PKNOX2: variants seen among roughly 807,000 people sequenced by gnomAD.
PKNOX2 encodes homeobox protein PKNOX2.
Under a neutral mutation model 53.1 loss-of-function variants are expected in PKNOX2, and 14 were observed. The ratio of observed to expected loss-of-function variants is 0.26; its 90% CI spans 0.17 to 0.41. The LOEUF (loss-of-function observed/expected upper bound fraction) is 0.41. Ranked by LOEUF, PKNOX2 falls within the 10% of genes least tolerant of loss-of-function variation. The pLI, the probability that PKNOX2 is intolerant of heterozygous loss-of-function variation, is 1.00. For synonymous variants in PKNOX2, 257 were observed against 242.8 expected (o/e 1.06, Z -0.54); for missense variants, 496 against 602.8 (o/e 0.82, Z 1.85).
intron 4 of PKNOX2, among the ~76,000 whole-genome samples, chr11:125,357,282 C>T (rs1179571171): frequency 6.6e-6 from 1 of 152,160 alleles, no homozygotes; most frequent in Non-Finnish European, 1.5e-5. Context: ...TACTCAAGAC[C>T]TGGACTCTTC....
intron 1 of PKNOX2, among the ~76,000 whole-genome samples, chr11:125,190,647 C>T (rs929670160): frequency 2.0e-5 from 3 of 152,078 alleles, no homozygotes; most frequent in African/African-American, 4.8e-5. Context: ...CTCTGTCCCC[C>T]GACCCTGCCC....
chr11:125,431,100 C>T, intron 12 of PKNOX2, 66 bp from the exon 13 acceptor site: 2 of 1,556,176 alleles, frequency 1.3e-6, no homozygotes, highest in Non-Finnish European at 1.7e-6. Flanking sequence ...AAACCCTGTC[C>T]AACACAGAGG....
intron 5 of PKNOX2, among the ~76,000 whole-genome samples, chr11:125,385,071 A>G (rs1162563684): frequency 6.6e-6 from 1 of 152,162 alleles, no homozygotes; most frequent in Non-Finnish European, 1.5e-5. Context: ...TGTCTCCTGC[A>G]TGCACTTGCA....
In PKNOX2 at chr11:125,234,537, T is replaced by A. The variant is rs150926178; in HGVS notation, c.-200-508T>A. Reference sequence around the variant, plus strand: ...TCGCCTTCACTTGCAAGTTCTTGTCTGCAGCAAGACTTTCATATTCCTGAG... The same window carrying A: ...TCGCCTTCACTTGCAAGTTCTTGTCAGCAGCAAGACTTTCATATTCCTGAG... On this transcript the variant is annotated intron_variant, in intron 1 of 12. Coordinates refer to ENST00000298282, the MANE Select transcript of PKNOX2 (RefSeq NM_001382323.2). Among the ~76,000 whole-genome samples the A allele has an allele frequency of 1.5e-3, 229 of 152,352 alleles. 2 individuals are homozygous for A. The highest frequency in any genetic ancestry group is 5.3e-3 in the African/African-American group (222 of 41,586).
At chr11:125,324,645 C>T (rs980581958) in intron 2 of PKNOX2, among the ~76,000 whole-genome samples, 6 of 152,198 alleles carry the variant, frequency 3.9e-5, no homozygotes, top group African/African-American at 1.4e-4. Flanking sequence ...GTGGAGGATG[C>T]AGCAGCCCCC....
intron 10 of PKNOX2, among the ~76,000 whole-genome samples, chr11:125,419,293 G>A (rs963892947): frequency 2.0e-5 from 3 of 151,732 alleles, no homozygotes; most frequent in Non-Finnish European, 4.4e-5. Flanking sequence ...GCGGATGGGC[G>A]TGAAGGTTCT....
At chr11:125,206,561 A>T (rs950845862) in intron 1 of PKNOX2, among the ~76,000 whole-genome samples, 12 of 152,076 alleles carry the variant, frequency 7.9e-5, no homozygotes, top group African/African-American at 2.9e-4. Context: ...TCCCCTGAAG[A>T]GGCAGCATGA....
At chr11:125,340,076 TA>T (rs1199978063) in intron 3 of PKNOX2, among the ~76,000 whole-genome samples, 2 of 152,190 alleles carry the variant, frequency 1.3e-5, no homozygotes, top group Non-Finnish European at 2.9e-5. Flanking sequence ...TATAAAATAA[TA>T]AGAGCAAAAT....
At chr11:125,309,126 TCTTC>T (rs1472239897) in intron 2 of PKNOX2, among the ~76,000 whole-genome samples, 4 of 147,994 alleles carry the variant, frequency 2.7e-5, no homozygotes, top group African/African-American at 1.0e-4. Flanking sequence ...CACAATTACC[TCTTC>T]CTTTCTTTCT....
chr11:125,256,371 G>A (rs934947014), intron 2 of PKNOX2, among the ~76,000 whole-genome samples: 82 of 152,308 alleles, frequency 5.4e-4, no homozygotes, highest in African/African-American at 1.9e-3. Context: ...CTCTTCAGAA[G>A]TCTTCAGAAT....
intron 10 of PKNOX2, among the ~76,000 whole-genome samples, chr11:125,414,440 T>C (rs975330888): frequency 6.6e-6 from 1 of 151,770 alleles, no homozygotes; most frequent in Non-Finnish European, 1.5e-5. Context: ...GCAAGGGGAG[T>C]GGCCACTGGG....
At chr11:125,334,663 G>A (rs928548627) in intron 3 of PKNOX2, among the ~76,000 whole-genome samples, 4 of 150,960 alleles carry the variant, frequency 2.6e-5, no homozygotes, top group African/African-American at 9.7e-5. Context: ...CAGTGGCACA[G>A]TCTCAGCTCA....
chr11:125,327,809 G>A (rs1228685863), intron 2 of PKNOX2, among the ~76,000 whole-genome samples: 4 of 152,152 alleles, frequency 2.6e-5, no homozygotes, highest in African/African-American at 7.2e-5. Flanking sequence ...AATGGAACTC[G>A]GCAGTTGTCA....
intron 2 of PKNOX2, among the ~76,000 whole-genome samples, chr11:125,328,925 A>G (rs1949993524): frequency 6.6e-6 from 1 of 152,258 alleles, no homozygotes; most frequent in South Asian, 2.1e-4. Context: ...GTAAATGGGT[A>G]TGACCTTCCT....
At chr11:125,361,991 T>C (rs906211794) in intron 4 of PKNOX2, among the ~76,000 whole-genome samples, 1 of 152,168 alleles carries the variant, frequency 6.6e-6, no homozygotes, top group African/African-American at 2.4e-5. Context: ...GGGTTCCACA[T>C]GGGAGAACTG....
At chr11:125,225,282 G>A (rs1299290482) in intron 1 of PKNOX2, among the ~76,000 whole-genome samples, 1 of 152,146 alleles carries the variant, frequency 6.6e-6, no homozygotes, top group Non-Finnish European at 1.5e-5. Flanking sequence ...TTAGACTGTG[G>A]GCTCCTTGAG....
At chr11:125,172,718 T>C (rs927878199) in intron 1 of PKNOX2, among the ~76,000 whole-genome samples, 5 of 152,326 alleles carry the variant, frequency 3.3e-5, no homozygotes, top group East Asian at 1.9e-4. Flanking sequence ...CTTCGTGGCT[T>C]TGTGGCTAGG....
Position 125,189,385 on chromosome 11 carries a change from G to GTATATATATA in PKNOX2, c.-201+24610_-201+24611insATATATATAT, listed in dbSNP as rs1306038645. On this transcript the variant is annotated intron_variant, in intron 1 of 12. Coordinates refer to ENST00000298282, the MANE Select transcript of PKNOX2 (RefSeq NM_001382323.2). ...TATATATATGTATATATATATATGTGTGTATATATATATGTGTGTATATAT... is the reference window on the plus strand; with the variant it reads ...TATATATATGTATATATATATATGTGTATATATATATGTATATATATATGTGTGTATATAT... Among the ~76,000 whole-genome samples, 212 of 90,932 alleles carry GTATATATATA rather than the reference G, an allele frequency of 2.3e-3. 1 individual carries two copies. The highest frequency in any genetic ancestry group is 4.0e-3 in the Non-Finnish European group (170 of 42,094). 59.7% of individuals were successfully genotyped at this position (90,932 alleles called of 152,430 possible).
chr11:125,231,332 C>T (rs1342422325), intron 1 of PKNOX2, among the ~76,000 whole-genome samples: 1 of 152,134 alleles, frequency 6.6e-6, no homozygotes, highest in African/African-American at 2.4e-5. Context: ...TTCTTCTATC[C>T]CTCTCCCCGC....
Sources: gnomAD v4.1 joint callset for allele counts (sites outside exome capture counted in the v4.1 genomes callset) on GRCh38, gnomAD v4.1.1 for gene constraint, MANE v1.5 for transcripts, NCBI Gene and HGNC (gene_info 2026-07-23, HGNC 2026-07-21) for gene names.